UGT1A7: variants seen among roughly 807,000 people sequenced by gnomAD.
UGT1A7 encodes the protein UDP glucuronosyltransferase family 1 member A7.
In UGT1A7, 33 loss-of-function variants were observed where a neutral mutation model predicts 45.6. The ratio of observed to expected loss-of-function variants is 0.72; its 90% CI spans 0.55 to 0.97. The LOEUF (loss-of-function observed/expected upper bound fraction) is 0.97, where lower values mean the gene tolerates loss of function less well. Ranked by LOEUF, UGT1A7 falls within the 50% of genes least tolerant of loss-of-function variation. The pLI is 0.00. For synonymous variants in UGT1A7, 274 were observed against 250.6 expected, an observed-to-expected ratio of 1.09 and a Z score of -0.88; for missense variants, 684 against 666.2, an observed-to-expected ratio of 1.03 and a Z score of -0.29.
chr2:233,760,416 GCTTGGGGC>G, intron 1 of UGT1A7: 1 of 1,614,218 alleles, frequency 6.2e-7, no homozygotes, highest in Non-Finnish European at 8.5e-7. Flanking sequence ...GGCTGAGCAT[GCTTGGGGC>G]CATCCAGCAG....
In UGT1A7 at chr2:233,719,438, A is replaced by C. The variant is rs755711754; in HGVS notation, c.855+36646A>C. 1.9e-6 allele frequency: 3 copies of C among 1,613,802 alleles called. No homozygotes were observed. In the African/African-American group the frequency reaches 4.0e-5, roughly 22 times the overall value. ...TAACGACCAATTCAGACCACATGAC[A>C]TTCCTGCAAAGGGTCAAGAACATGC... On this transcript the variant is annotated intron_variant, in intron 1 of 4. Transcript: ENST00000373426.
Position 233,769,314 on chromosome 2 carries a change from T to A in UGT1A7, c.1295+875T>A, listed in dbSNP as rs551966060. Among the ~76,000 whole-genome samples, 1 of 152,360 alleles carries A rather than the reference T, an allele frequency of 6.6e-6. No individual in the cohort carries two copies. The highest frequency in any genetic ancestry group is 2.1e-4 in the South Asian group (1 of 4,826). ...TAAAGTTAGTATATTACTGTCAAGC[T>A]CACTGGTAATAGGCTTATTAGAACC... is the stretch of plus-strand genomic sequence containing the variant. On this transcript the variant is annotated intron_variant, in intron 4 of 4. Coordinates refer to ENST00000373426, the MANE Select transcript of UGT1A7 (RefSeq NM_019077.3). This position sits in a 1 kb window ranked among gnomAD's most constrained non-coding sequence, Gnocchi z 4.4.
At chr2:233,696,617 TC>T (rs2125568424) in intron 1 of UGT1A7, among the ~76,000 whole-genome samples, 1 of 152,346 alleles carries the variant, frequency 6.6e-6, no homozygotes, top group African/African-American at 2.4e-5. Context: ...TTTCTTTCTT[TC>T]TTTCTCTTGC....
chr2:233,769,226 G>A lies in UGT1A7; in HGVS notation c.1295+787G>A, dbSNP rs934586436. Among the ~76,000 whole-genome samples, 1 of 152,190 alleles carries A rather than the reference G, an allele frequency of 6.6e-6. No individual in the cohort carries two copies. The highest frequency in any genetic ancestry group is 2.4e-5 in the African/African-American group (1 of 41,452). On this transcript the variant is annotated intron_variant, in intron 4 of 4. Transcript: ENST00000373426. The surrounding 1 kb of genome is among the most constrained non-coding windows in gnomAD (Gnocchi z 4.4). ...TCACAGACAAAGTCTTAGAATAAGA[G>A]CAAAGGAAAATTTGCTCAAATGTGG...
intron 1 of UGT1A7, chr2:233,760,576 CATA>C: frequency 6.2e-7 from 1 of 1,614,196 alleles, no homozygotes; most frequent in Non-Finnish European, 8.5e-7. Flanking sequence ...TAGTCTCGGG[CATA>C]ATGTTTTTGA....
intron 1 of UGT1A7, among the ~76,000 whole-genome samples, chr2:233,759,866 G>A (rs1362136524): frequency 6.6e-6 from 1 of 152,108 alleles, no homozygotes; most frequent in African/African-American, 2.4e-5. Flanking sequence ...CGAAAGCGGG[G>A]GTACAGTTGT....
chr2:233,755,200 G>A (rs1575733621), intron 1 of UGT1A7: 14 of 1,105,580 alleles, frequency 1.3e-5, no homozygotes, highest in South Asian at 8.5e-5. Flanking sequence ...GCCAGCTTGC[G>A]GTACGCCTTC....
chr2:233,748,321 A>G (rs1693916793), intron 1 of UGT1A7, among the ~76,000 whole-genome samples: 1 of 151,726 alleles, frequency 6.6e-6, no homozygotes, highest in African/African-American at 2.4e-5. Flanking sequence ...ACTAGGACTG[A>G]TGTGACTCAT....
chr2:233,746,490 T>C (rs1347659366), intron 1 of UGT1A7, among the ~76,000 whole-genome samples: 2 of 151,808 alleles, frequency 1.3e-5, no homozygotes, highest in Admixed American at 1.3e-4. Flanking sequence ...CATGGACATG[T>C]CACTCTTTAG....
chr2:233,743,966 G>A, intron 1 of UGT1A7: 1 of 1,328,722 alleles, frequency 7.5e-7, no homozygotes, highest in Non-Finnish European at 1.0e-6. Flanking sequence ...GAGCGGCAAG[G>A]CTGCCAGCAC....
At chr2:233,762,731 G>A (rs574048851) in intron 1 of UGT1A7, among the ~76,000 whole-genome samples, 140 of 149,512 alleles carry the variant, frequency 9.4e-4, no homozygotes, top group African/African-American at 3.3e-3. Context: ...TTTTTTTTTG[G>A]TCACTACTGT....
chr2:233,689,769 G>A (rs2074957726), intron 1 of UGT1A7: 4 of 306,304 alleles, frequency 1.3e-5, no homozygotes, highest in East Asian at 1.1e-4. Context: ...AAAACAACTC[G>A]GGGACATATG....
chr2:233,734,383 T>C (rs1334676170), intron 1 of UGT1A7, among the ~76,000 whole-genome samples: 1 of 152,214 alleles, frequency 6.6e-6, no homozygotes, highest in African/African-American at 2.4e-5. Context: ...GCCTTTACTA[T>C]TTTTTATTGC....
chr2:233,741,248 A>T (rs997599929), intron 1 of UGT1A7, among the ~76,000 whole-genome samples: 9 of 151,896 alleles, frequency 5.9e-5, no homozygotes, highest in African/African-American at 1.9e-4. Context: ...TGACACTGGT[A>T]TGCCACTCTT....
At chr2:233,729,329 A>G in intron 1 of UGT1A7, 1 of 1,614,260 alleles carries the variant, frequency 6.2e-7, no homozygotes, top group East Asian at 2.2e-5. Flanking sequence ...GTGAATATGC[A>G]CATCAAAGAA....
chr2:233,696,348 T>G (rs2075339428), intron 1 of UGT1A7, among the ~76,000 whole-genome samples: 1 of 152,086 alleles, frequency 6.6e-6, no homozygotes, highest in Non-Finnish European at 1.5e-5. Flanking sequence ...ATCTTTCACT[T>G]CCTTCCTTAA....
At chr2:233,743,706 C>G in intron 1 of UGT1A7, 1 of 1,367,368 alleles carries the variant, frequency 7.3e-7, no homozygotes, top group Non-Finnish European at 9.8e-7. Context: ...TCCGCCCCCG[C>G]CTCGCCATAG....
At chr2:233,684,194 T>C (rs2074666904) in intron 1 of UGT1A7, among the ~76,000 whole-genome samples, 1 of 152,190 alleles carries the variant, frequency 6.6e-6, no homozygotes, top group African/African-American at 2.4e-5. Context: ...AAAGAGTGAC[T>C]GTTCAACCAA....
rs1196428735 is a variant in UGT1A7 at position 233,732,781 on chromosome 2, T to C, written c.856-34253T>C. Reference sequence around the variant, plus strand: ...TTTTTTTTTTTTTTTTGCTTAGGATTGTCTTGGCAATGCAGGCTCTTTTTT... The same window carrying C: ...TTTTTTTTTTTTTTTTGCTTAGGATCGTCTTGGCAATGCAGGCTCTTTTTT... On this transcript the variant is annotated intron_variant, in intron 1 of 4. Transcript: ENST00000373426. Among the ~76,000 whole-genome samples the C allele has an allele frequency of 2.6e-5, 4 of 151,222 alleles. No individual in the cohort carries two copies. In the East Asian group the frequency reaches 7.7e-4, roughly 29 times the overall value.
Sources: allele counts gnomAD v4.1 joint callset (sites outside exome capture counted in the v4.1 genomes callset), GRCh38; gene constraint gnomAD v4.1.1; non-coding constraint Gnocchi (gnomAD v3.1); transcripts MANE v1.5; gene names NCBI Gene and HGNC (gene_info 2026-07-23, HGNC 2026-07-21).